Variants in KHDRBS2 observed in about 807,000 individuals in gnomAD.
KHDRBS2 encodes KH domain-containing, RNA-binding, signal transduction-associated protein 2.
In KHDRBS2, 26 loss-of-function variants were observed where a neutral mutation model predicts 44.3. The observed-to-expected ratio is 0.59, with a 90% CI of 0.43 to 0.81. The LOEUF is 0.81. Among genes scored for constraint, KHDRBS2 ranks in the 40% least tolerant of loss-of-function variants. KHDRBS2 has a pLI of 0.00. For missense variants in KHDRBS2, 476 were observed against 433.1 expected (o/e 1.10, Z -0.88); for synonymous variants, 194 against 151.1 (o/e 1.28, Z -2.08).
At chr6:61,729,275 G>T (rs983426394) in intron 7 of KHDRBS2, among the ~76,000 whole-genome samples, 1 of 152,076 alleles carries the variant, frequency 6.6e-6, no homozygotes, top group Non-Finnish European at 1.5e-5. Context: ...GGAGCTAAAT[G>T]ATGAGAACAC....
intron 4 of KHDRBS2, among the ~76,000 whole-genome samples, chr6:61,945,097 A>AT (rs1812934061): frequency 7.4e-5 from 5 of 67,870 alleles, no homozygotes; most frequent in East Asian, 4.2e-4. Flanking sequence ...TCTTAAAAAA[A>AT]AAAAAAAAAA....
chr6:61,978,882 T>C (rs975671022), intron 3 of KHDRBS2, among the ~76,000 whole-genome samples: 4 of 152,098 alleles, frequency 2.6e-5, no homozygotes, highest in Non-Finnish European at 5.9e-5. Flanking sequence ...TAACCAATAA[T>C]ACTAGGTTGG....
At chr6:61,607,879 G>A in the KHDRBS2 span, among the ~76,000 whole-genome samples, 7 of 152,012 alleles carry the variant, frequency 4.6e-5, no homozygotes, top group Non-Finnish European at 1.0e-4. Flanking sequence ...GTAGAGATTG[G>A]GTTTCACCAT....
At chr6:62,005,303 A>G (rs1779008806) in intron 3 of KHDRBS2, among the ~76,000 whole-genome samples, 1 of 152,110 alleles carries the variant, frequency 6.6e-6, no homozygotes, top group Non-Finnish European at 1.5e-5. Context: ...ACTGACATGA[A>G]AAGATGTTAT....
intron 2 of KHDRBS2, among the ~76,000 whole-genome samples, chr6:62,172,796 A>G (rs1820324240): frequency 6.6e-6 from 1 of 151,970 alleles, no homozygotes; most frequent in African/African-American, 2.4e-5. Flanking sequence ...ATTGCTCAAA[A>G]TCACAGAATT....
intron 6 of KHDRBS2, among the ~76,000 whole-genome samples, chr6:61,871,146 G>T (rs1424216718): frequency 6.6e-6 from 1 of 152,160 alleles, no homozygotes; most frequent in Non-Finnish European, 1.5e-5. Flanking sequence ...AGAATAACCA[G>T]TTTAGAGAGG....
At chr6:61,720,242 G>T (rs1425747227) in intron 7 of KHDRBS2, among the ~76,000 whole-genome samples, 1 of 152,148 alleles carries the variant, frequency 6.6e-6, no homozygotes, top group Non-Finnish European at 1.5e-5. Context: ...AAACATACGT[G>T]TGCATGTGTC....
chr6:61,745,112 A>G (rs1450316609), intron 6 of KHDRBS2, among the ~76,000 whole-genome samples: 3 of 152,188 alleles, frequency 2.0e-5, no homozygotes, highest in Non-Finnish European at 4.4e-5. Context: ...TATAGTAAAC[A>G]AAAGTACATT....
At chr6:62,134,346 C>A (rs1208006406) in intron 2 of KHDRBS2, among the ~76,000 whole-genome samples, 1 of 152,098 alleles carries the variant, frequency 6.6e-6, no homozygotes, top group Non-Finnish European at 1.5e-5. Flanking sequence ...TGTAGGTGCA[C>A]AGAAGTCAAG....
intron 1 of KHDRBS2, among the ~76,000 whole-genome samples, chr6:62,265,160 C>T (rs944841832): frequency 1.3e-5 from 2 of 151,802 alleles, no homozygotes; most frequent in African/African-American, 4.8e-5. Flanking sequence ...GCAATGGGGA[C>T]CCTCGGAATA....
intron 1 of KHDRBS2, among the ~76,000 whole-genome samples, chr6:62,178,984 A>C (rs1378917505): frequency 1.3e-5 from 2 of 151,544 alleles, no homozygotes; most frequent in Non-Finnish European, 3.0e-5. Context: ...ACTATTTCCA[A>C]AGGTAAGGGG....
intron 1 of KHDRBS2, among the ~76,000 whole-genome samples, chr6:62,239,910 C>T (rs912115328): frequency 1.3e-5 from 2 of 152,096 alleles, no homozygotes; most frequent in Non-Finnish European, 2.9e-5. Flanking sequence ...CTCTCAAACT[C>T]CTGACCTCAG....
intron 6 of KHDRBS2, among the ~76,000 whole-genome samples, chr6:61,773,072 G>C (rs1038744009): frequency 1.3e-5 from 2 of 151,958 alleles, no homozygotes; most frequent in Non-Finnish European, 2.9e-5. Context: ...CCAAGTCTTT[G>C]CTATTGTGAA....
chr6:62,238,361 A>C (rs1397804743), intron 1 of KHDRBS2, among the ~76,000 whole-genome samples: 1 of 152,164 alleles, frequency 6.6e-6, no homozygotes, highest in Admixed American at 6.5e-5. Flanking sequence ...ACTTTATAAG[A>C]AACTCCCAAA....
chr6:62,032,071 G>C (rs1784428710), intron 3 of KHDRBS2, among the ~76,000 whole-genome samples: 1 of 152,186 alleles, frequency 6.6e-6, no homozygotes, highest in Admixed American at 6.6e-5. Flanking sequence ...GAAAGTAAAG[G>C]AAGAGAACAT....
chr6:62,190,316 G>A (rs1176593235), intron 1 of KHDRBS2, among the ~76,000 whole-genome samples: 3 of 152,158 alleles, frequency 2.0e-5, no homozygotes, highest in African/African-American at 7.2e-5. Flanking sequence ...ACTCTTTAGA[G>A]TGGATTTATG....
chr6:61,956,798 G>A (rs1009003948), intron 4 of KHDRBS2, among the ~76,000 whole-genome samples: 9 of 152,054 alleles, frequency 5.9e-5, no homozygotes, highest in Non-Finnish European at 1.0e-4. Context: ...CCTTAAACAC[G>A]TTTTAAAATG....
chr6:62,259,970 C>G (rs1438650461), intron 1 of KHDRBS2, among the ~76,000 whole-genome samples: 3 of 151,950 alleles, frequency 2.0e-5, no homozygotes, highest in Non-Finnish European at 4.4e-5. Flanking sequence ...AGGGTAGAAT[C>G]TGTTACATGT....
At chr6:61,730,783 C>T (rs75673873) in intron 7 of KHDRBS2, among the ~76,000 whole-genome samples, 3,880 of 151,898 alleles carry the variant, frequency 0.026, 62 homozygotes, top group Middle Eastern at 0.054. Context: ...TTTATTAAAG[C>T]AAGTTTTATT....
Sources: gnomAD v4.1 joint callset for allele counts (sites outside exome capture counted in the v4.1 genomes callset) on GRCh38, gnomAD v4.1.1 for gene constraint, MANE v1.5 for transcripts, NCBI Gene and HGNC (gene_info 2026-07-23, HGNC 2026-07-21) for gene names.